HR: variants seen among roughly 807,000 people sequenced by gnomAD.
The protein encoded by HR is lysine-specific demethylase hairless.
Under a neutral mutation model 128.6 loss-of-function variants are expected in HR, and 83 were observed. That is an observed-to-expected ratio of 0.65 (90% CI 0.54 to 0.77). The LOEUF is 0.77. HR is among the 30% of genes least tolerant of loss of function. The probability of loss-of-function intolerance (pLI) is 0.00; values close to 1 mark genes in which losing one functional copy is unlikely to be tolerated. For missense variants in HR, 1,490 were observed against 1,574.6 expected (o/e 0.95, Z 0.91); for synonymous variants, 681 against 658.2 (o/e 1.03, Z -0.53).
chr8:22,124,386 C>T lies in HR; in HGVS notation c.1751-573G>A, dbSNP rs542629049. Among the ~76,000 whole-genome samples the T allele has an allele frequency of 1.3e-4, 20 of 152,324 alleles. No individual in the cohort carries two copies. In the South Asian group the frequency reaches 1.7e-3, roughly 13 times the overall value. ...CTGGGATTACAGGCATGAGCCACCG[C>T]GCCCAGCCAGGAGTGGGGTTTTCTA... On this transcript the variant is annotated intron_variant, in intron 5 of 18. Coordinates refer to ENST00000381418, the MANE Select transcript of HR (RefSeq NM_005144.5).
rs1159142560 is a variant in HR at position 22,129,048 on chromosome 8, C to T, written c.123G>A (p.Leu41=). ...AAAAGGGAGCAGGCTCTCCCAGGCACAGCGGCCCATGGTGCAGTCCATCTC... is the reference window on the plus strand; with the variant it reads ...AAAAGGGAGCAGGCTCTCCCAGGCATAGCGGCCCATGGTGCAGTCCATCTC... ...PPRDGLHHGP[L]CLGEPAPFWR... is the part of the protein sequence containing the mutation. The change falls in exon 2 of 19, where the codon CTG becomes CTA. Residue 41 remains leucine, a synonymous_variant. Transcript: ENST00000381418. The T allele has an allele frequency of 6.2e-7, 1 of 1,601,202 alleles. No homozygotes were observed. The highest frequency in any genetic ancestry group is 1.7e-5 in the Admixed American group (1 of 58,898).
chr8:22,117,360 T>G, intron 16 of HR: 1 of 365,250 alleles, frequency 2.7e-6, no homozygotes, highest in East Asian at 4.8e-5. Context: ...CTCTCAATGG[T>G]ACCCCTTTCT....
chr8:22,119,980 G>T, intron 13 of HR, 90 bp from the exon 14 acceptor site: 1 of 1,603,468 alleles, frequency 6.2e-7, no homozygotes, highest in South Asian at 1.1e-5. Flanking sequence ...AACTCCCAGA[G>T]GGCAAACATG....
chr8:22,121,675 G>A lies in HR; in HGVS notation c.2141C>T (p.Thr714Met), dbSNP rs777083529. The A allele has an allele frequency of 1.9e-5, 30 of 1,614,102 alleles. No homozygotes were observed. The highest frequency in any genetic ancestry group is 8.0e-5 in the African/African-American group (6 of 75,002). Residue 714 changes from threonine to methionine, a missense_variant, in exon 9 of 19, where the codon ACG (threonine) becomes ATG (methionine). Physicochemically the swap from Thr to Met is moderately conservative, Grantham distance 81. Around this residue, in one of 3 missense-constraint regions of HR, gnomAD observed 1,060 missense variants for 1,060.9 expected, o/e 1.00. Transcript: ENST00000381418. ...AGQQKESTQKTPPTPQPSCNG... is the reference protein window; with the variant it reads ...AGQQKESTQKMPPTPQPSCNG... ...GCAGGAAGGTTGTGGAGTTGGGGGCGTTTTCTGTGTTGATTCCTTCTGTTA... is the reference window on the plus strand; with the variant it reads ...GCAGGAAGGTTGTGGAGTTGGGGGCATTTTCTGTGTTGATTCCTTCTGTTA...
intron 11 of HR, 49 bp from the exon 12 acceptor site, chr8:22,120,556 G>T (rs749599102): frequency 5.0e-6 from 8 of 1,608,352 alleles, no homozygotes; most frequent in Admixed American, 1.7e-5. Context: ...CAGGGTGCCC[G>T]CCATGGCCAG....
chr8:22,120,861 G>A lies in HR; in HGVS notation c.2465C>T (p.Pro822Leu), dbSNP rs756463050. The change falls in exon 11 of 19, where the codon CCG becomes CTG. Residue 822 changes from proline (P) to leucine (L), a missense_variant. Transcript: ENST00000381418. ...CAGGCCCAGGCCCTTGCGCAGACCC[G>A]GGCCAGCTCGAAGCCCCGGCCCCAG... ...KALGPGLRAG[P>L]GLRKGLGLPL... is the part of the protein sequence containing the mutation. The A allele has an allele frequency of 1.4e-5, 21 of 1,551,808 alleles. No individual in the cohort carries two copies. The highest frequency in any genetic ancestry group is 3.6e-5 in the South Asian group (3 of 84,290).
chr8:22,117,513 CA>C (rs1554580215), intron 16 of HR: 1 of 126,482 alleles, frequency 7.9e-6, no homozygotes, highest in African/African-American at 3.0e-5. Context: ...GGAGACAACT[CA>C]AAGTGTTCAT....
At chr8:22,118,923 G>A (rs1410501905) in intron 16 of HR, 27 bp downstream of exon 16, 1 of 1,590,532 alleles carries the variant, frequency 6.3e-7, no homozygotes, top group Non-Finnish European at 8.6e-7. Context: ...GCGGGGGGAA[G>A]GGGAGGGCTC....
chr8:22,128,534 G>C (rs1471517330), intron 2 of HR, 25 bp downstream of exon 2: 1 of 1,611,518 alleles, frequency 6.2e-7, no homozygotes, highest in South Asian at 1.1e-5. Context: ...AGAGCCACAG[G>C]TACCCTCTCT....
chr8:22,125,271 C>A (rs1244702032), intron 5 of HR, 40 bp downstream of exon 5: 1 of 1,542,482 alleles, frequency 6.5e-7, no homozygotes, highest in East Asian at 2.4e-5. Flanking sequence ...TGGGGCTCCC[C>A]ACACAGAGAC....
At position 22,120,940 on chromosome 8, in the gene HR, T is replaced by A; in HGVS notation, c.2386A>T (p.Ile796Phe). 2 of 1,585,982 alleles carry A rather than the reference T, an allele frequency of 1.3e-6. No individual in the cohort carries two copies. The highest frequency in any genetic ancestry group is 1.7e-6 in the Non-Finnish European group (2 of 1,165,926). The part of the protein sequence containing the change: ...ALPSDDRITN[I>F]LDSIIAQVVE... Reference sequence around the variant, plus strand: ...ACCTGTGCGATAATGCTGTCCAGGATGTTGGTGATGCGGTCATCCTGCAGA... The same window carrying A: ...ACCTGTGCGATAATGCTGTCCAGGAAGTTGGTGATGCGGTCATCCTGCAGA... Residue 796 changes from isoleucine (I) to phenylalanine (F), a missense_variant, in exon 11 of 19, where the codon ATC (isoleucine) becomes TTC (phenylalanine). By Grantham distance (21) the Ile-to-Phe change is conservative. This residue lies in a region of HR where 1,060 missense variants were observed against 1,060.9 expected (regional missense o/e 1.00). Transcript: ENST00000381418.
Position 22,128,627 on chromosome 8 carries a change from T to C in HR, c.544A>G (p.Thr182Ala), listed in dbSNP as rs1826964206. 3 of 1,601,486 alleles carry C rather than the reference T, an allele frequency of 1.9e-6. No individual in the cohort carries two copies. The highest frequency in any genetic ancestry group is 2.6e-6 in the Non-Finnish European group (3 of 1,175,220). Residue 182 changes from threonine (T) to alanine (A), a missense_variant, in exon 2 of 19, where the codon ACC becomes GCC. Thr to Ala is a moderately conservative substitution (Grantham distance 58). This residue lies in a region of HR where 1,060 missense variants were observed against 1,060.9 expected (regional missense o/e 1.00). Transcript: ENST00000381418. ...CCGGAGTATACCCAGGGGTGCGGGGTCAGGGGCCAGTCACATGGATGCTCT... is the reference window on the plus strand; with the variant it reads ...CCGGAGTATACCCAGGGGTGCGGGGCCAGGGGCCAGTCACATGGATGCTCT... Reference protein sequence around the residue: ...PPEHPCDWPLTPHPWVYSGGQ... With the variant: ...PPEHPCDWPLAPHPWVYSGGQ...
At position 22,128,987 on chromosome 8, in the gene HR, G is replaced by T. The variant is rs137929972; in HGVS notation, c.184C>A (p.Pro62Thr). ...TTGGGGCCCTGGGGGAAGCCAGGGG[G>T]AAGCCAGGAGTCTGGGGTGCTCAGG... ...GVLSTPDSWLPPGFPQGPKDM... is the reference protein window; with the variant it reads ...GVLSTPDSWLTPGFPQGPKDM... Residue 62 changes from proline (P) to threonine (T), a missense_variant, in exon 2 of 19, where the codon CCC (proline) becomes ACC (threonine). Pro to Thr is a conservative substitution (Grantham distance 38). Around this residue, in one of 3 missense-constraint regions of HR, gnomAD observed 1,060 missense variants for 1,060.9 expected, o/e 1.00. Coordinates refer to ENST00000381418, the MANE Select transcript of HR (RefSeq NM_005144.5). The T allele has an allele frequency of 6.7e-4, 1,085 of 1,613,202 alleles. 1 individual carries two copies. Among genetic ancestry groups the T allele is most frequent in the Non-Finnish European group, 8.5e-4 (998 of 1,179,908 alleles).
At chr8:22,120,249 C>T (rs1563174892) in intron 12 of HR, 76 bp from the exon 13 acceptor site, 2 of 1,607,318 alleles carry the variant, frequency 1.2e-6, no homozygotes, top group Non-Finnish European at 1.7e-6. Flanking sequence ...ACACCTGCTT[C>T]CAGCCCCTCG....
chr8:22,123,617 T>TTGGGGCCCCCCCCCC, intron 6 of HR, 32 bp downstream of exon 6: 3 of 292,092 alleles, frequency 1.0e-5, no homozygotes, highest in Admixed American at 5.0e-5. Flanking sequence ...GAGGGCTCCA[T>TTGGGGCCCCCCCCCC]CCCGCCCTCC....
chr8:22,122,720 C>A (rs1269805371), intron 7 of HR, 70 bp downstream of exon 7: 3 of 1,494,558 alleles, frequency 2.0e-6, no homozygotes, highest in Non-Finnish European at 2.7e-6. Flanking sequence ...GGGGGAGGGA[C>A]AATCAGACGG....
rs1826565738 is a variant in HR, at chr8:22,115,620, C to G, written c.*80G>C. 1.6e-6 allele frequency: 2 copies of G among 1,257,070 alleles called. No homozygotes were observed. The allele number at this position is 1,257,070 out of a possible 1,614,324, so 77.9% of individuals were successfully genotyped here. ...CCAGAAATCCCCAAGTCCCCTAGCGCCATCCCCTGCTGAAGTTGTGCCTGG... is the reference window on the plus strand; with the variant it reads ...CCAGAAATCCCCAAGTCCCCTAGCGGCATCCCCTGCTGAAGTTGTGCCTGG... On this transcript the variant is annotated 3_prime_UTR_variant, in exon 19 of 19. Transcript: ENST00000381418.
Position 22,116,849 on chromosome 8 carries a change from C to A in HR, c.3378+26G>T, listed in dbSNP as rs1375857554. 6.4e-7 allele frequency: 1 copy of A among 1,561,432 alleles called. No homozygotes were observed. The highest frequency in any genetic ancestry group is 8.6e-7 in the Non-Finnish European group (1 of 1,157,576). On this transcript the variant is annotated intron_variant, in intron 17 of 18. Transcript: ENST00000381418. The surrounding 1 kb of genome is among the most constrained non-coding windows in gnomAD (Gnocchi z 4.2). ...CGCTTCTGCCATCCTGATCTCCCCG[C>A]AGAGCCCCTGCCCGCTGGGAAGCAC...
chr8:22,128,676 G>A lies in HR; in HGVS notation c.495C>T (p.Pro165=), dbSNP rs1229095522. 6.3e-7 allele frequency: 1 copy of A among 1,586,192 alleles called. No homozygotes were observed. Among genetic ancestry groups the A allele is most frequent in the Non-Finnish European group, 8.6e-7 (1 of 1,166,716 alleles). The change falls in exon 2 of 19, where the codon CCC becomes CCT. Residue 165 remains proline, a synonymous_variant. Transcript: ENST00000381418. ...CTGGGGGCAGGCCAGACACTAGGTA[G>A]GGTGGCAAGCAGGTGGGCACCCAGA... ...APFWVPTCLP[P]YLVSGLPPEH...
Sources: gnomAD v4.1 joint callset for allele counts (sites outside exome capture counted in the v4.1 genomes callset) on GRCh38, gnomAD v4.1.1 for gene constraint, gnomAD v4.1.1 regional missense constraint, Gnocchi (gnomAD v3.1) non-coding constraint, MANE v1.5 for transcripts, NCBI Gene and HGNC (gene_info 2026-07-23, HGNC 2026-07-21) for gene names.